IFIH1: variants seen among roughly 807,000 people sequenced by gnomAD.
The protein encoded by IFIH1 is interferon induced with helicase C domain 1, also known as interferon-induced helicase C domain-containing protein 1.
A neutral mutation model predicts 107.4 loss-of-function variants in IFIH1; 125 were observed. That is an observed-to-expected ratio of 1.16 (90% CI 1.01 to 1.35). The LOEUF (loss-of-function observed/expected upper bound fraction) is 1.35. Ranked by LOEUF, IFIH1 falls within the 40% of genes most tolerant of loss-of-function variation. The pLI is 0.00. For missense variants in IFIH1, 1,333 were observed against 1,213.7 expected (o/e 1.10, Z -1.46); for synonymous variants, 458 against 413.2 (o/e 1.11, Z -1.31).
Position 162,293,620 on chromosome 2 carries a change from C to T in IFIH1, c.818G>A (p.Ser273Asn), listed in dbSNP as rs1683037048. The T allele has an allele frequency of 4.3e-6, 7 of 1,612,002 alleles. No individual in the cohort carries two copies. The highest frequency in any genetic ancestry group is 5.9e-6 in the Non-Finnish European group (7 of 1,178,658). Residue 273 changes from serine to asparagine, a missense_variant, in exon 4 of 16, where the codon AGT (serine) becomes AAT (asparagine). Physicochemically the swap from Ser to Asn is conservative, Grantham distance 46. Coordinates refer to ENST00000649979, the MANE Select transcript of IFIH1 (RefSeq NM_022168.4). ...GCCCATGTTGCTGTTATGTCCAAGA[C>T]TTTCATCTAAGCAGCTGACACTTCC... ...AEGSVSCLDE[S>N]LGHNSNMGSD...
rs75624198 is a variant in IFIH1 at position 162,278,726 on chromosome 2, C to T, written c.1642-398G>A. 9.8e-3 allele frequency among the ~76,000 whole-genome samples: 1,491 copies of T among 152,136 alleles called. 14 individuals carry two copies. Among genetic ancestry groups the T allele is most frequent in the Non-Finnish European group, 0.013 (908 of 67,980 alleles). ...AAAACTGGTTTCAGTATTATTTCGA[C>T]CAAAATAAAAAGTTGAAGTAGAGTC... On this transcript the variant is annotated intron_variant, in intron 8 of 15. Coordinates refer to ENST00000649979, the MANE Select transcript of IFIH1 (RefSeq NM_022168.4).
intron 12 of IFIH1, 111 bp downstream of exon 12, chr2:162,273,684 T>C (rs890152136): frequency 4.8e-6 from 4 of 839,814 alleles, no homozygotes; most frequent in Non-Finnish European, 7.3e-6. Flanking sequence ...GGAAAAAGGC[T>C]TTGTTTTAAA....
At chr2:162,294,165 G>A (rs1023854455) in intron 3 of IFIH1, among the ~76,000 whole-genome samples, 3 of 151,878 alleles carry the variant, frequency 2.0e-5, no homozygotes, top group Non-Finnish European at 4.4e-5. Context: ...ATCTCAAAGA[G>A]AATTTGTTCA....
At chr2:162,272,178 T>TTGATGGTTAAATGTG in intron 13 of IFIH1, 48 bp downstream of exon 13, 4 of 1,482,182 alleles carry the variant, frequency 2.7e-6, no homozygotes, top group Non-Finnish European at 3.7e-6. Flanking sequence ...GGCAACCACA[T>TTGATGGTTAAATGTG]GCCGCCATTT....
In IFIH1 at chr2:162,268,207, TA is replaced by T; in HGVS notation, c.2686del (p.Tyr896ThrfsTer7). On this transcript the variant is annotated frameshift_variant, in exon 14 of 16. Transcript: ENST00000649979. LOFTEE classifies it high-confidence loss of function. ...AGTTATTAGTGATGGGTTATTCTTG[TA>T]ATGCTTGGCAATATTTCTCTTGGTT... ...MKTKRNIAKHYKNNPSLITFL... is the reference protein window; with the variant it reads ...MKTKRNIAKHXKNNPSLITFL... 1.9e-6 allele frequency: 3 copies of T among 1,613,004 alleles called. No homozygotes were observed. The highest frequency in any genetic ancestry group is 2.5e-6 in the Non-Finnish European group (3 of 1,179,042).
At chr2:162,297,818 C>T (rs2105218226) in intron 3 of IFIH1, among the ~76,000 whole-genome samples, 1 of 151,730 alleles carries the variant, frequency 6.6e-6, no homozygotes, top group East Asian at 1.9e-4. Flanking sequence ...ATTTTGTAAA[C>T]AACACAAAAA....
At chr2:162,286,604 G>C (rs1682897538) in intron 5 of IFIH1, among the ~76,000 whole-genome samples, 1 of 148,610 alleles carries the variant, frequency 6.7e-6, no homozygotes, top group Admixed American at 6.9e-5. Context: ...CTCACAAAGA[G>C]ACAGGTAAAT....
intron 3 of IFIH1, among the ~76,000 whole-genome samples, chr2:162,304,367 T>G (rs1168153808): frequency 6.6e-6 from 1 of 151,952 alleles, no homozygotes; most frequent in Admixed American, 6.6e-5. Context: ...GAGACTGAGG[T>G]GGGAGGATCA....
chr2:162,275,171 A>G (rs1293038157), intron 11 of IFIH1, among the ~76,000 whole-genome samples: 1 of 152,182 alleles, frequency 6.6e-6, no homozygotes, highest in Non-Finnish European at 1.5e-5. Context: ...CCAGTTTACA[A>G]GGTGAGGATA....
Position 162,277,458 on chromosome 2 carries a change from C to G in IFIH1, c.2001G>C (p.Leu667Phe), listed in dbSNP as rs1203264957. ...GAAATCTATCTGTTTCATCCAGTTT[C>G]AAAGGTTTCTTTAAATCATCCTCAT... The part of the protein sequence containing the change: ...DEDEDDLKKP[L>F]KLDETDRFLM... Residue 667 changes from leucine (L) to phenylalanine (F), a missense_variant, in exon 10 of 16, where the codon TTG becomes TTC. Physicochemically the swap from Leu to Phe is conservative, Grantham distance 22. Transcript: ENST00000649979. The G allele has an allele frequency of 2.5e-6, 4 of 1,609,246 alleles. No individual in the cohort carries two copies. The highest frequency in any genetic ancestry group is 3.4e-6 in the Non-Finnish European group (4 of 1,176,636).
chr2:162,290,309 C>G (rs991745643), intron 4 of IFIH1, among the ~76,000 whole-genome samples: 2 of 151,646 alleles, frequency 1.3e-5, no homozygotes, highest in Admixed American at 1.3e-4. Context: ...CTACTATATC[C>G]TTGAATAAGA....
chr2:162,268,829 T>C (rs1310364869), intron 13 of IFIH1, among the ~76,000 whole-genome samples: 1 of 152,118 alleles, frequency 6.6e-6, no homozygotes, highest in African/African-American at 2.4e-5. Context: ...ATCTCAGTGA[T>C]CCACCTGCCT....
chr2:162,305,429 G>T (rs1432992135), intron 3 of IFIH1, among the ~76,000 whole-genome samples: 1 of 152,130 alleles, frequency 6.6e-6, no homozygotes. Flanking sequence ...AATTAGCCGG[G>T]CATGGTGGTG....
rs981985715 is a variant in IFIH1, at chr2:162,304,804, A to G, written c.769+1905T>C. Among the ~76,000 whole-genome samples the G allele has an allele frequency of 5.3e-4, 80 of 152,230 alleles. 1 individual carries two copies. Among genetic ancestry groups the G allele is most frequent in the Non-Finnish European group, 4.4e-5 (3 of 68,042 alleles). Reference sequence around the variant, plus strand: ...ATGATAATATTATTCATTCTCGTAGAAGAGAATTCAGGGAAATAAGCACTC... The same window carrying G: ...ATGATAATATTATTCATTCTCGTAGGAGAGAATTCAGGGAAATAAGCACTC... On this transcript the variant is annotated intron_variant, in intron 3 of 15. Coordinates refer to ENST00000649979, the MANE Select transcript of IFIH1 (RefSeq NM_022168.4).
Position 162,272,154 on chromosome 2 carries a change from A to G in IFIH1, c.2616+72T>C, listed in dbSNP as rs1051135653. On this transcript the variant is annotated intron_variant, in intron 13 of 15. Coordinates refer to ENST00000649979, the MANE Select transcript of IFIH1 (RefSeq NM_022168.4). Reference sequence around the variant, plus strand: ...ACAATTTTTGTCTGGAGAATGAGTCACAGAGATATCAATGGCAACCACATG... The same window carrying G: ...ACAATTTTTGTCTGGAGAATGAGTCGCAGAGATATCAATGGCAACCACATG... 53 of 1,234,572 alleles carry G rather than the reference A, an allele frequency of 4.3e-5. No homozygotes were observed. The African/African-American group carries it at 7.3e-4, about 17-fold the overall frequency. 76.5% of individuals were successfully genotyped at this position (1,234,572 alleles called of 1,614,324 possible).
Position 162,280,122 on chromosome 2 carries a change from A to G in IFIH1, c.1525-10T>C, listed in dbSNP as rs373610275. The G allele has an allele frequency of 5.1e-6, 7 of 1,370,134 alleles. No individual in the cohort carries two copies. The highest frequency in any genetic ancestry group is 7.3e-6 in the Non-Finnish European group (7 of 965,274). The allele number at this position is 1,370,134 out of a possible 1,614,324, so 84.9% of individuals were successfully genotyped here. On this transcript the variant is annotated splice_polypyrimidine_tract_variant and intron_variant, in intron 7 of 15. Coordinates refer to ENST00000649979, the MANE Select transcript of IFIH1 (RefSeq NM_022168.4). ...CAAGATTGGCACATAGCTGGAAAAG[A>G]GACATTTTTCAATATTTATGCAATT...
intron 5 of IFIH1, among the ~76,000 whole-genome samples, chr2:162,285,043 G>A (rs1324041106): frequency 6.6e-6 from 1 of 151,990 alleles, no homozygotes; most frequent in African/African-American, 2.4e-5. Context: ...TCCTACTGAA[G>A]GACACAGAGA....
At chr2:162,296,515 C>G (rs1683087509) in intron 3 of IFIH1, among the ~76,000 whole-genome samples, 1 of 152,124 alleles carries the variant, frequency 6.6e-6, no homozygotes, top group Non-Finnish European at 1.5e-5. Context: ...GGGGCAGAAT[C>G]CTCATTTCTG....
chr2:162,318,484 A>G lies in IFIH1; in HGVS notation c.-177T>C. The G allele has an allele frequency of 3.6e-6, 2 of 558,084 alleles. No individual in the cohort carries two copies. The highest frequency in any genetic ancestry group is 4.5e-5 in the South Asian group (2 of 44,522). 34.6% of individuals were successfully genotyped at this position (558,084 alleles called of 1,614,324 possible). ...CTCTCAGGCCGGCGCGCGGGGCTGC[A>G]CTCGCACCTGGGCAGGTGGGCAGGC... On this transcript the variant is annotated 5_prime_UTR_variant, in exon 1 of 16. Transcript: ENST00000649979.
Sources: gnomAD v4.1 joint callset for allele counts (sites outside exome capture counted in the v4.1 genomes callset) on GRCh38, gnomAD v4.1.1 for gene constraint, MANE v1.5 for transcripts, NCBI Gene and HGNC (gene_info 2026-07-23, HGNC 2026-07-21) for gene names.